Variants in LGSN observed in about 807,000 individuals in gnomAD.
The protein encoded by LGSN is lengsin.
A neutral mutation model predicts 19.5 loss-of-function variants in LGSN; 21 were observed. The observed-to-expected ratio is 1.07, with a 90% CI of 0.76 to 1.55. The LOEUF (loss-of-function observed/expected upper bound fraction) is 1.55, where lower values mean the gene tolerates loss of function less well. Among genes scored for constraint, LGSN ranks in the 40% most tolerant of loss-of-function variants. The pLI, the probability that LGSN is intolerant of heterozygous loss-of-function variation, is 0.00. For missense variants in LGSN, 673 were observed against 608.5 expected (o/e 1.11, Z -1.12); for synonymous variants, 257 against 215.6 (o/e 1.19, Z -1.68).
At chr6:63,302,126 A>C (rs1346406638) in intron 1 of LGSN, among the ~76,000 whole-genome samples, 1 of 152,210 alleles carries the variant, frequency 6.6e-6, no homozygotes, top group Non-Finnish European at 1.5e-5. Context: ...AATAAATGGT[A>C]CTTAACATTC....
the LGSN span, among the ~76,000 whole-genome samples, chr6:63,412,424 A>AAGAGAGAG: frequency 7.7e-6 from 1 of 129,802 alleles, no homozygotes; most frequent in East Asian, 2.1e-4. Context: ...AGAAGAAAGA[A>AAGAGAGAG]AGAAAGAAAG....
In LGSN at chr6:63,280,040, A is replaced by T. The variant is rs977577171; in HGVS notation, c.1511T>A (p.Phe504Tyr). The change falls in exon 4 of 4, where the codon TTC (phenylalanine) becomes TAC (tyrosine). Residue 504 changes from phenylalanine (F) to tyrosine (Y), a missense_variant. Physicochemically the swap from Phe to Tyr is conservative, Grantham distance 22 (BLOSUM62 3). Transcript: ENST00000370657. ...TCTATTCTAAATAAAATACTCTAAG[A>T]ATTTATTTCTCTCTGCAGCTATTTC... ...NEEIAAERNK[F>Y]LEYFI The T allele has an allele frequency of 3.7e-6, 6 of 1,605,472 alleles. No homozygotes were observed. The highest frequency in any genetic ancestry group is 5.1e-6 in the Non-Finnish European group (6 of 1,176,298).
chr6:63,539,191 G>A, the LGSN span, among the ~76,000 whole-genome samples: 1 of 152,072 alleles, frequency 6.6e-6, no homozygotes, highest in African/African-American at 2.4e-5. Flanking sequence ...ACCGTGCCTG[G>A]CCTGTAAAGT....
chr6:63,450,893 C>T, the LGSN span, among the ~76,000 whole-genome samples: 3 of 151,920 alleles, frequency 2.0e-5, no homozygotes, highest in Middle Eastern at 3.2e-3. Context: ...AGGCTGGTCT[C>T]GAATTCCTGA....
chr6:63,494,229 C>T, the LGSN span, among the ~76,000 whole-genome samples: 3 of 152,124 alleles, frequency 2.0e-5, no homozygotes, highest in East Asian at 1.9e-4. Context: ...AGATTACAGG[C>T]ATGAACCACC....
At chr6:63,305,426 G>C (rs1236851902) in intron 1 of LGSN, among the ~76,000 whole-genome samples, 1 of 152,122 alleles carries the variant, frequency 6.6e-6, no homozygotes, top group Non-Finnish European at 1.5e-5. Flanking sequence ...TTTACATAAA[G>C]CTACCTCCTT....
At chr6:63,298,645 C>T (rs1422526731) in intron 1 of LGSN, among the ~76,000 whole-genome samples, 2 of 152,072 alleles carry the variant, frequency 1.3e-5, no homozygotes, top group African/African-American at 4.8e-5. Flanking sequence ...TTTGTCTATC[C>T]CATACCTCTA....
the LGSN span, among the ~76,000 whole-genome samples, chr6:63,561,253 G>T: frequency 1.3e-5 from 2 of 152,152 alleles, no homozygotes; most frequent in African/African-American, 4.8e-5. Context: ...GCTTTCTGAG[G>T]CTGCATGTCC....
chr6:63,421,195 G>A, the LGSN span, among the ~76,000 whole-genome samples: 1 of 151,894 alleles, frequency 6.6e-6, no homozygotes. Context: ...GCTGAAGTGG[G>A]TGGATCACTT....
At chr6:63,330,839 T>C in the LGSN span, among the ~76,000 whole-genome samples, 1 of 152,340 alleles carries the variant, frequency 6.6e-6, no homozygotes, top group Non-Finnish European at 1.5e-5. Context: ...CAGCTAAAGC[T>C]GCATTCTTTT....
the LGSN span, chr6:63,572,434 T>A: frequency 2.7e-6 from 1 of 369,916 alleles, no homozygotes; most frequent in Non-Finnish European, 4.8e-6. Context: ...GCTGGAGGGT[T>A]GCACGTCGCG....
the LGSN span, among the ~76,000 whole-genome samples, chr6:63,346,450 G>A: frequency 5.3e-5 from 8 of 151,888 alleles, no homozygotes; most frequent in Admixed American, 3.3e-4. Flanking sequence ...GCCCTGGAGA[G>A]GACGTGGAAA....
chr6:63,313,170 A>T (rs1768696887), intron 1 of LGSN, among the ~76,000 whole-genome samples: 1 of 152,182 alleles, frequency 6.6e-6, no homozygotes, highest in Non-Finnish European at 1.5e-5. Context: ...TAGAACTAAA[A>T]ACCCACCATA....
At chr6:63,482,511 T>C in the LGSN span, among the ~76,000 whole-genome samples, 1 of 152,152 alleles carries the variant, frequency 6.6e-6, no homozygotes, top group Non-Finnish European at 1.5e-5. Flanking sequence ...GGTGGATTGC[T>C]TCAGACCAAG....
At chr6:63,481,913 AG>A in the LGSN span, 1 of 197,288 alleles carries the variant, frequency 5.1e-6, no homozygotes, top group South Asian at 1.1e-4. Context: ...CTTAAATAAA[AG>A]CTTGAAAGAT....
the LGSN span, among the ~76,000 whole-genome samples, chr6:63,573,085 C>G: frequency 3.3e-5 from 5 of 152,138 alleles, no homozygotes; most frequent in African/African-American, 7.2e-5. Context: ...GCTTTGTGAC[C>G]GCCGCCTCCG....
chr6:63,314,629 T>A (rs1264815644), intron 1 of LGSN, among the ~76,000 whole-genome samples: 1 of 152,190 alleles, frequency 6.6e-6, no homozygotes, highest in Non-Finnish European at 1.5e-5. Flanking sequence ...CTAAAACTGA[T>A]TTTAAACCTT....
chr6:63,379,645 C>G, the LGSN span, among the ~76,000 whole-genome samples: 2 of 152,144 alleles, frequency 1.3e-5, no homozygotes, highest in African/African-American at 2.4e-5. Flanking sequence ...TGGTCAATAA[C>G]TCAGTGATTA....
the LGSN span, among the ~76,000 whole-genome samples, chr6:63,490,210 G>A: frequency 6.6e-6 from 1 of 152,104 alleles, no homozygotes; most frequent in East Asian, 1.9e-4. Flanking sequence ...GTCCTTCTTC[G>A]AGTTAGATGA....
Sources: gnomAD v4.1 joint callset for allele counts (sites outside exome capture counted in the v4.1 genomes callset) on GRCh38, gnomAD v4.1.1 for gene constraint, MANE v1.5 for transcripts, NCBI Gene and HGNC (gene_info 2026-07-23, HGNC 2026-07-21) for gene names.